Variants in MAGI2 observed in about 807,000 individuals in gnomAD.
MAGI2 encodes the protein membrane associated guanylate kinase, WW and PDZ domain containing 2, also known as membrane-associated guanylate kinase, WW and PDZ domain-containing protein 2.
MAGI2 carries 35 observed loss-of-function variants against 133.3 expected under a neutral mutation model. The ratio of observed to expected loss-of-function variants is 0.26; its 90% CI spans 0.20 to 0.35. The LOEUF (loss-of-function observed/expected upper bound fraction) is 0.35, where lower values mean the gene tolerates loss of function less well. Among genes scored for constraint, MAGI2 ranks in the 10% least tolerant of loss-of-function variants. The pLI is 1.00. For missense variants in MAGI2, 1,636 were observed against 1,863.4 expected (o/e 0.88, Z 2.25); for synonymous variants, 729 against 710.6 (o/e 1.03, Z -0.41).
chr7:78,256,111 G>T lies in MAGI2; in HGVS notation c.1879C>A (p.Arg627=). ...FTIADSPTGQ[R]VKQILDIQGC... The stretch of plus-strand genomic sequence containing the variant: ...TGAATGTCAAGTATTTGTTTCACCC[G>T]CTGTCCTGTAGGACTGTCGGCAATA... The change falls in exon 10 of 22, where the codon CGG becomes AGG. Residue 627 remains arginine, a synonymous_variant. Coordinates refer to ENST00000354212, the MANE Select transcript of MAGI2 (RefSeq NM_012301.4). 1 of 1,613,682 alleles carries T rather than the reference G, an allele frequency of 6.2e-7. No individual in the cohort carries two copies. Among genetic ancestry groups the T allele is most frequent in the Middle Eastern group, 1.7e-4 (1 of 6,050 alleles).
At chr7:78,048,304 G>A (rs769750115) in intron 21 of MAGI2, among the ~76,000 whole-genome samples, 1 of 152,092 alleles carries the variant, frequency 6.6e-6, no homozygotes, top group Non-Finnish European at 1.5e-5. Flanking sequence ...TAGGAAGAAC[G>A]CTCCAGTGGA....
chr7:78,318,597 T>G (rs550165180), intron 9 of MAGI2, among the ~76,000 whole-genome samples: 11 of 152,196 alleles, frequency 7.2e-5, no homozygotes, highest in Admixed American at 7.2e-4. Flanking sequence ...AAGCCAACAT[T>G]CAAATTCAGG....
chr7:78,083,254 G>A (rs371088027), intron 20 of MAGI2, among the ~76,000 whole-genome samples: 2 of 151,630 alleles, frequency 1.3e-5, no homozygotes, highest in East Asian at 1.9e-4. Context: ...CTTCAACTGA[G>A]CTATGTTACT....
intron 2 of MAGI2, among the ~76,000 whole-genome samples, chr7:79,001,041 C>A (rs913373011): frequency 1.3e-5 from 2 of 152,156 alleles, no homozygotes; most frequent in African/African-American, 2.4e-5. Flanking sequence ...CTCAGCCTCC[C>A]AAGTAGCTGG....
chr7:79,450,832 C>A (rs1417723432), intron 1 of MAGI2, among the ~76,000 whole-genome samples: 1 of 152,116 alleles, frequency 6.6e-6, no homozygotes, highest in Non-Finnish European at 1.5e-5. Context: ...GGAACTTCAG[C>A]CAACAGGGTG....
intron 2 of MAGI2, among the ~76,000 whole-genome samples, chr7:78,961,690 A>C (rs1341645480): frequency 6.6e-6 from 1 of 152,070 alleles, no homozygotes; most frequent in African/African-American, 2.4e-5. Context: ...AACAAACTAT[A>C]TCTGCTAGTT....
chr7:79,368,734 G>C (rs1039534287), intron 1 of MAGI2, among the ~76,000 whole-genome samples: 18 of 149,814 alleles, frequency 1.2e-4, no homozygotes, highest in African/African-American at 4.4e-4. Flanking sequence ...TGTAGTCCCA[G>C]CTACTTGGGA....
chr7:78,397,078 T>G (rs944770600), intron 6 of MAGI2, among the ~76,000 whole-genome samples: 5 of 152,128 alleles, frequency 3.3e-5, no homozygotes, highest in African/African-American at 9.7e-5. Flanking sequence ...AATGGTTATT[T>G]TGATAGCTGG....
intron 2 of MAGI2, among the ~76,000 whole-genome samples, chr7:78,905,312 C>G (rs1202800304): frequency 6.6e-6 from 1 of 152,200 alleles, no homozygotes; most frequent in Non-Finnish European, 1.5e-5. Context: ...AGAATTCTCT[C>G]TCTGTCTCAC....
intron 1 of MAGI2, among the ~76,000 whole-genome samples, chr7:79,145,369 T>C (rs1217767687): frequency 6.6e-6 from 1 of 152,184 alleles, no homozygotes; most frequent in Admixed American, 6.5e-5. Context: ...TGATGTTCGA[T>C]AGAGCACAGG....
intron 2 of MAGI2, among the ~76,000 whole-genome samples, chr7:78,762,822 C>T (rs1251481419): frequency 2.6e-5 from 4 of 152,166 alleles, no homozygotes; most frequent in Non-Finnish European, 4.4e-5. Context: ...TACAGAACAC[C>T]TGTGTCTATA....
At chr7:78,604,739 C>G (rs1805618594) in intron 3 of MAGI2, among the ~76,000 whole-genome samples, 1 of 152,170 alleles carries the variant, frequency 6.6e-6, no homozygotes, top group South Asian at 2.1e-4. Context: ...ATGTATTTCT[C>G]TGTTTCAATA....
chr7:78,046,205 G>A (rs1261713238), intron 21 of MAGI2, among the ~76,000 whole-genome samples: 1 of 149,526 alleles, frequency 6.7e-6, no homozygotes, highest in Non-Finnish European at 1.5e-5. Context: ...AGACCAGCCT[G>A]GTCAAAGTGG....
chr7:79,100,488 TATATAA>T (rs1205109732), intron 1 of MAGI2, among the ~76,000 whole-genome samples: 3 of 151,550 alleles, frequency 2.0e-5, no homozygotes, highest in Admixed American at 2.0e-4. Context: ...CATTATATAA[TATATAA>T]ATATAATTTT....
intron 2 of MAGI2, among the ~76,000 whole-genome samples, chr7:78,698,558 A>G (rs1200442113): frequency 1.3e-5 from 2 of 152,206 alleles, no homozygotes; most frequent in Non-Finnish European, 2.9e-5. Flanking sequence ...ATAATTGCTT[A>G]TATACTATCC....
intron 2 of MAGI2, among the ~76,000 whole-genome samples, chr7:78,928,688 T>C (rs972543959): frequency 1.3e-5 from 2 of 152,094 alleles, no homozygotes; most frequent in Non-Finnish European, 2.9e-5. Context: ...ATGCTTCTGC[T>C]TTGAAGATTA....
intron 1 of MAGI2, among the ~76,000 whole-genome samples, chr7:79,439,761 A>T (rs1848380620): frequency 6.6e-6 from 1 of 152,136 alleles, no homozygotes; most frequent in Non-Finnish European, 1.5e-5. Flanking sequence ...ATGACACAAA[A>T]AGAGAAATTA....
intron 20 of MAGI2, among the ~76,000 whole-genome samples, chr7:78,092,296 G>C (rs1431588529): frequency 6.6e-6 from 1 of 152,038 alleles, no homozygotes; most frequent in Non-Finnish European, 1.5e-5. Context: ...ATGAGTGCAT[G>C]GATTATACTG....
chr7:78,955,740 T>TTTCTTTCTTC (rs1562712997), intron 2 of MAGI2, among the ~76,000 whole-genome samples: 81 of 52,898 alleles, frequency 1.5e-3, no homozygotes, highest in African/African-American at 6.4e-3. Context: ...TTTCTTTCTT[T>TTTCTTTCTTC]CTTTCTTTCT....
Sources: gnomAD v4.1 joint callset for allele counts (sites outside exome capture counted in the v4.1 genomes callset) on GRCh38, gnomAD v4.1.1 for gene constraint, MANE v1.5 for transcripts, NCBI Gene and HGNC (gene_info 2026-07-23, HGNC 2026-07-21) for gene names.